ANKS1B: variants seen among roughly 807,000 people sequenced by gnomAD.
ANKS1B encodes ankyrin repeat and sterile alpha motif domain containing 1B.
Under a neutral mutation model 148.3 loss-of-function variants are expected in ANKS1B, and 36 were observed. That is an observed-to-expected ratio of 0.24 (90% confidence interval 0.19 to 0.32). ANKS1B has a LOEUF of 0.32. Ranked by LOEUF, ANKS1B falls within the 10% of genes least tolerant of loss-of-function variation. The pLI is 1.00. For missense variants in ANKS1B, 1,157 were observed against 1,542.6 expected (o/e 0.75, Z 4.19); for synonymous variants, 542 against 560.8 (o/e 0.97, Z 0.47).
Position 99,302,350 on chromosome 12 carries a change from T to A in ANKS1B, c.1757-55486A>T, listed in dbSNP as rs140559652. ...TATGCACTCTCCTCCCAGGAACACATGCATTACACAAAAGAATGTATCCAT... is the reference window on the plus strand; with the variant it reads ...TATGCACTCTCCTCCCAGGAACACAAGCATTACACAAAAGAATGTATCCAT... On this transcript the variant is annotated intron_variant, in intron 12 of 26. Transcript: ENST00000683438. 4.2e-3 allele frequency among the ~76,000 whole-genome samples: 643 copies of A among 152,264 alleles called. 6 individuals carry two copies. Among genetic ancestry groups the A allele is most frequent in the African/African-American group, 0.015 (615 of 41,552 alleles).
intron 1 of ANKS1B, among the ~76,000 whole-genome samples, chr12:99,844,534 C>A (rs566966186): frequency 6.6e-6 from 1 of 152,048 alleles, no homozygotes; most frequent in East Asian, 1.9e-4. Context: ...CTGTCAAAGA[C>A]CAGATGGTTG....
chr12:99,133,794 C>T (rs1328260531), intron 15 of ANKS1B, among the ~76,000 whole-genome samples: 3 of 152,160 alleles, frequency 2.0e-5, no homozygotes, highest in African/African-American at 7.2e-5. Context: ...CTTCATGCCT[C>T]CTTTTCCTGA....
chr12:99,149,205 T>A (rs2074162225), intron 15 of ANKS1B, among the ~76,000 whole-genome samples: 1 of 152,138 alleles, frequency 6.6e-6, no homozygotes, highest in Non-Finnish European at 1.5e-5. Context: ...AATGATGTTT[T>A]CATTATAGAA....
At chr12:98,820,169 T>A (rs2099171977) in intron 19 of ANKS1B, among the ~76,000 whole-genome samples, 1 of 152,234 alleles carries the variant, frequency 6.6e-6, no homozygotes, top group Non-Finnish European at 1.5e-5. Flanking sequence ...TAGTTCCCAG[T>A]TTGCAGAGAC....
intron 10 of ANKS1B, among the ~76,000 whole-genome samples, chr12:99,498,511 C>T (rs1295577046): frequency 1.3e-5 from 2 of 152,168 alleles, no homozygotes; most frequent in East Asian, 3.9e-4. Context: ...CACTTCCTCC[C>T]ACAAGCCTTC....
chr12:99,645,612 A>G (rs2098354236), intron 9 of ANKS1B, among the ~76,000 whole-genome samples: 1 of 152,202 alleles, frequency 6.6e-6, no homozygotes, highest in Non-Finnish European at 1.5e-5. Context: ...CTAGTGACTA[A>G]CTATATAGAA....
intron 14 of ANKS1B, among the ~76,000 whole-genome samples, chr12:99,180,229 G>A (rs1447633482): frequency 1.3e-5 from 2 of 151,980 alleles, no homozygotes; most frequent in African/African-American, 4.8e-5. Context: ...CATTATTTAT[G>A]CCTCTTACAA....
chr12:99,592,499 A>G (rs974819794), intron 9 of ANKS1B, among the ~76,000 whole-genome samples: 1 of 151,932 alleles, frequency 6.6e-6, no homozygotes, highest in Non-Finnish European at 1.5e-5. Context: ...AAAAGGTGAA[A>G]AGAATTTATT....
intron 1 of ANKS1B, among the ~76,000 whole-genome samples, chr12:99,904,736 C>T (rs2064235268): frequency 6.6e-6 from 1 of 152,144 alleles, no homozygotes; most frequent in African/African-American, 2.4e-5. Flanking sequence ...TTGAGTTGAT[C>T]TGAGGTGGAA....
At chr12:98,868,588 A>G (rs546952592) in intron 17 of ANKS1B, among the ~76,000 whole-genome samples, 9 of 152,362 alleles carry the variant, frequency 5.9e-5, no homozygotes, top group African/African-American at 2.2e-4. Context: ...GAAAATACCA[A>G]ATACACGAAC....
At chr12:98,912,675 G>A (rs1251360463) in intron 17 of ANKS1B, among the ~76,000 whole-genome samples, 2 of 152,200 alleles carry the variant, frequency 1.3e-5, no homozygotes, top group African/African-American at 2.4e-5. Flanking sequence ...GATGGAGACT[G>A]GTGCTAACAA....
At chr12:98,938,317 A>G (rs2099823792) in intron 17 of ANKS1B, among the ~76,000 whole-genome samples, 1 of 152,176 alleles carries the variant, frequency 6.6e-6, no homozygotes, top group African/African-American at 2.4e-5. Context: ...AATCTTAATC[A>G]AGTGACGTGA....
At chr12:99,842,589 T>C (rs1284014434) in intron 1 of ANKS1B, among the ~76,000 whole-genome samples, 1 of 152,096 alleles carries the variant, frequency 6.6e-6, no homozygotes, top group Non-Finnish European at 1.5e-5. Context: ...TTTTCGAAGT[T>C]GGTTTAGCCA....
chr12:99,673,843 T>A (rs1225530787), intron 8 of ANKS1B, among the ~76,000 whole-genome samples: 1 of 151,648 alleles, frequency 6.6e-6, no homozygotes, highest in Non-Finnish European at 1.5e-5. Flanking sequence ...AATATGGTCA[T>A]TATTTTCAGT....
rs183132627 is a variant in ANKS1B, at chr12:99,981,927, C to T, written c.134+2177G>A. ...GGGGGACACATTTTCCATTATCCTG[C>T]CAATAAATTTCTGATGACAATCATT... is the stretch of plus-strand genomic sequence containing the variant. On this transcript the variant is annotated intron_variant, in intron 1 of 26. Transcript: ENST00000683438. Among the ~76,000 whole-genome samples, 93 of 152,142 alleles carry T rather than the reference C, an allele frequency of 6.1e-4. 2 individuals are homozygous for T. The highest frequency in any genetic ancestry group is 5.3e-3 in the Admixed American group (81 of 15,294).
chr12:99,978,673 T>C (rs943357037), intron 1 of ANKS1B, among the ~76,000 whole-genome samples: 1 of 152,200 alleles, frequency 6.6e-6, no homozygotes, highest in African/African-American at 2.4e-5. Context: ...TTGTGAAAAT[T>C]ACAGTACTTC....
chr12:99,807,736 G>C (rs2067821009), intron 3 of ANKS1B, among the ~76,000 whole-genome samples: 2 of 152,042 alleles, frequency 1.3e-5, no homozygotes, highest in Non-Finnish European at 2.9e-5. Flanking sequence ...CTGAATAGTT[G>C]AATAACTGGC....
At chr12:99,255,206 T>C (rs1279512130) in intron 12 of ANKS1B, among the ~76,000 whole-genome samples, 1 of 152,140 alleles carries the variant, frequency 6.6e-6, no homozygotes, top group African/African-American at 2.4e-5. Flanking sequence ...CTATACCTTT[T>C]TGAAGTTTTT....
chr12:99,133,884 T>G (rs1166267477), intron 15 of ANKS1B, among the ~76,000 whole-genome samples: 1 of 152,224 alleles, frequency 6.6e-6, no homozygotes, highest in African/African-American at 2.4e-5. Context: ...TGGAATCATA[T>G]AAACTTCAAC....
Sources: gnomAD v4.1 joint callset for allele counts (sites outside exome capture counted in the v4.1 genomes callset) on GRCh38, gnomAD v4.1.1 for gene constraint, MANE v1.5 for transcripts, NCBI Gene and HGNC (gene_info 2026-07-23, HGNC 2026-07-21) for gene names.